Variants in MACROD2 observed in about 807,000 individuals in gnomAD.
The protein encoded by MACROD2 is ADP-ribose glycohydrolase MACROD2.
In MACROD2, 36 loss-of-function variants were observed where a neutral mutation model predicts 70.4. That is an observed-to-expected ratio of 0.51 (90% confidence interval 0.39 to 0.68). The LOEUF is 0.68. Among genes scored for constraint, MACROD2 ranks in the 30% least tolerant of loss-of-function variants. The probability of loss-of-function intolerance (pLI) is 0.00; values close to 1 mark genes in which losing one functional copy is unlikely to be tolerated. For synonymous variants in MACROD2, 172 were observed against 178.8 expected (o/e 0.96, Z 0.30); for missense variants, 496 against 538.4 (o/e 0.92, Z 0.78).
intron 3 of MACROD2, among the ~76,000 whole-genome samples, chr20:14,283,709 A>G (rs1041934451): frequency 2.6e-5 from 4 of 152,226 alleles, no homozygotes; most frequent in African/African-American, 9.6e-5. Flanking sequence ...CATGTTGGCC[A>G]GGCTGCTCTC....
intron 6 of MACROD2, among the ~76,000 whole-genome samples, chr20:15,327,907 C>A (rs557490434): frequency 1.3e-5 from 2 of 152,058 alleles, no homozygotes; most frequent in Non-Finnish European, 2.9e-5. Flanking sequence ...GGTCTAGGTA[C>A]TTGACACATA....
At chr20:14,308,771 C>T (rs1167330690) in intron 3 of MACROD2, among the ~76,000 whole-genome samples, 1 of 151,976 alleles carries the variant, frequency 6.6e-6, no homozygotes, top group African/African-American at 2.4e-5. Context: ...AATAGCAGTG[C>T]CTCTGAGTGC....
At chr20:14,816,991 CATT>C (rs1247209361) in intron 5 of MACROD2, among the ~76,000 whole-genome samples, 1 of 152,042 alleles carries the variant, frequency 6.6e-6, no homozygotes, top group Non-Finnish European at 1.5e-5. Flanking sequence ...CATATATTAA[CATT>C]ATATAAGAAC....
chr20:14,831,332 C>T (rs917478722), intron 5 of MACROD2, among the ~76,000 whole-genome samples: 3 of 152,126 alleles, frequency 2.0e-5, no homozygotes, highest in Admixed American at 1.3e-4. Flanking sequence ...GTTTTATCGA[C>T]GTGACTGTTT....
chr20:14,302,917 G>T (rs1467635463), intron 3 of MACROD2, among the ~76,000 whole-genome samples: 1 of 152,140 alleles, frequency 6.6e-6, no homozygotes, highest in East Asian at 1.9e-4. Context: ...CTCCCCAAGT[G>T]CTGGGACTAC....
chr20:15,257,378 C>T (rs6074864), intron 6 of MACROD2, among the ~76,000 whole-genome samples: 1 of 151,978 alleles, frequency 6.6e-6, no homozygotes, highest in African/African-American at 2.4e-5. Context: ...ATTCGGCAAC[C>T]TACAAATGAC....
chr20:15,328,488 ACAT>A (rs2077956700), intron 6 of MACROD2, among the ~76,000 whole-genome samples: 1 of 152,142 alleles, frequency 6.6e-6, no homozygotes, highest in South Asian at 2.1e-4. Context: ...GAGATTTTTG[ACAT>A]CATTGCTACT....
At position 15,826,629 on chromosome 20, in the gene MACROD2, C is replaced by T. The variant is rs530186368; in HGVS notation, c.646-36116C>T. ...TACAAAAAGCTTAAGTAAAGGCACTCCTGAACACAAATTCTTTTATCAAAC... is the reference window on the plus strand; with the variant it reads ...TACAAAAAGCTTAAGTAAAGGCACTTCTGAACACAAATTCTTTTATCAAAC... On this transcript the variant is annotated intron_variant, in intron 8 of 17. Transcript: ENST00000684519. Among the ~76,000 whole-genome samples the T allele has an allele frequency of 2.7e-3, 404 of 152,216 alleles. 4 individuals carry two copies. The highest frequency in any genetic ancestry group is 9.2e-3 in the African/African-American group (383 of 41,546).
At chr20:15,648,926 C>G (rs2049595246) in intron 8 of MACROD2, among the ~76,000 whole-genome samples, 1 of 152,092 alleles carries the variant, frequency 6.6e-6, no homozygotes, top group Admixed American at 6.5e-5. Flanking sequence ...ATAAAAATGG[C>G]TTATGTAATA....
intron 3 of MACROD2, among the ~76,000 whole-genome samples, chr20:14,230,707 A>C: frequency 7.9e-6 from 1 of 126,410 alleles, no homozygotes; most frequent in Non-Finnish European, 1.6e-5. Flanking sequence ...ATATGGGCCC[A>C]GCCTATGTTA....
At chr20:14,055,785 C>G (rs1321531011) in intron 2 of MACROD2, among the ~76,000 whole-genome samples, 1 of 151,084 alleles carries the variant, frequency 6.6e-6, no homozygotes. Context: ...TCTTATATAA[C>G]ATCTCAATTT....
At chr20:15,987,296 T>A in intron 15 of MACROD2, 138 bp downstream of exon 15, 1 of 687,424 alleles carries the variant, frequency 1.5e-6, no homozygotes, top group Non-Finnish European at 2.4e-6. Flanking sequence ...ACCCCAAATC[T>A]CCGTTTGAAA....
At chr20:14,831,947 G>A (rs544795195) in intron 5 of MACROD2, among the ~76,000 whole-genome samples, 50 of 139,406 alleles carry the variant, frequency 3.6e-4, no homozygotes, top group Non-Finnish European at 7.1e-4. Context: ...GACTATATTG[G>A]GTCCCCTTGA....
At chr20:15,309,006 C>G (rs1243161563) in intron 6 of MACROD2, among the ~76,000 whole-genome samples, 1 of 152,140 alleles carries the variant, frequency 6.6e-6, no homozygotes, top group African/African-American at 2.4e-5. Context: ...TCTGTCGCTT[C>G]TCTGTCCTAT....
At chr20:14,884,076 A>G (rs2073641779) in intron 5 of MACROD2, among the ~76,000 whole-genome samples, 1 of 152,164 alleles carries the variant, frequency 6.6e-6, no homozygotes. Context: ...ACCCCATAGT[A>G]AAGCACACTC....
intron 8 of MACROD2, among the ~76,000 whole-genome samples, chr20:15,704,945 C>T (rs906513389): frequency 6.6e-6 from 1 of 152,096 alleles, no homozygotes; most frequent in Non-Finnish European, 1.5e-5. Context: ...GAAGGTGTTC[C>T]AGTCACCCAT....
At chr20:14,703,074 T>C (rs756251720) in intron 5 of MACROD2, among the ~76,000 whole-genome samples, 3 of 152,136 alleles carry the variant, frequency 2.0e-5, no homozygotes, top group Non-Finnish European at 4.4e-5. Context: ...TATCTAGCTA[T>C]AATTCATTCT....
intron 3 of MACROD2, among the ~76,000 whole-genome samples, chr20:14,262,288 A>G (rs1275015666): frequency 6.6e-6 from 1 of 152,178 alleles, no homozygotes; most frequent in Non-Finnish European, 1.5e-5. Context: ...GATGTGGTAA[A>G]TGACCTAATT....
chr20:15,678,920 G>A (rs1330954516), intron 8 of MACROD2, among the ~76,000 whole-genome samples: 1 of 152,152 alleles, frequency 6.6e-6, no homozygotes, highest in Non-Finnish European at 1.5e-5. Context: ...TCCAAAGTGA[G>A]GTCATTGAAT....
Sources: gnomAD v4.1 joint callset for allele counts (sites outside exome capture counted in the v4.1 genomes callset) on GRCh38, gnomAD v4.1.1 for gene constraint, MANE v1.5 for transcripts, NCBI Gene and HGNC (gene_info 2026-07-23, HGNC 2026-07-21) for gene names.